Variants in ACYP2 observed in about 807,000 individuals in gnomAD.
ACYP2 encodes acylphosphatase-2.
A neutral mutation model predicts 11.2 loss-of-function variants in ACYP2; 12 were observed. The observed-to-expected ratio is 1.08, with a 90% CI of 0.69 to 1.74. The LOEUF (loss-of-function observed/expected upper bound fraction) is 1.74. Among genes scored for constraint, ACYP2 ranks in the 40% most tolerant of loss-of-function variants. The pLI is 0.00. For missense variants in ACYP2, 134 were observed against 101.9 expected (o/e 1.31, Z -1.35); for synonymous variants, 43 against 32.2 (o/e 1.33, Z -1.13).
intron 3 of ACYP2, among the ~76,000 whole-genome samples, chr2:54,054,458 A>G (rs1047933561): frequency 2.0e-5 from 3 of 152,186 alleles, no homozygotes; most frequent in African/African-American, 7.2e-5. Context: ...CTGCTGACAG[A>G]TTGATCTTGT....
intron 4 of ACYP2, among the ~76,000 whole-genome samples, chr2:54,104,307 G>A (rs950854340): frequency 6.6e-6 from 1 of 152,206 alleles, no homozygotes; most frequent in East Asian, 1.9e-4. Context: ...TAATGACTAA[G>A]TGTTCATAAA....
intron 2 of ACYP2, among the ~76,000 whole-genome samples, chr2:54,019,842 A>G (rs972947984): frequency 1.2e-4 from 18 of 150,626 alleles, no homozygotes; most frequent in African/African-American, 4.2e-4. Context: ...TTGGTCTCGA[A>G]CTCCTGGCCT....
intron 2 of ACYP2, among the ~76,000 whole-genome samples, chr2:54,009,311 C>A (rs146885377): frequency 7.2e-5 from 11 of 152,110 alleles, no homozygotes; most frequent in African/African-American, 2.2e-4. Context: ...GTAATCCCAG[C>A]GCTTTTGGAG....
chr2:53,986,655 C>T (rs575301029), intron 2 of ACYP2, among the ~76,000 whole-genome samples: 3 of 143,102 alleles, frequency 2.1e-5, no homozygotes, highest in South Asian at 4.8e-4. Flanking sequence ...GATGAAGTTT[C>T]ACTCTGTTGC....
intron 6 of ACYP2, among the ~76,000 whole-genome samples, chr2:54,203,803 C>T (rs1416395092): frequency 3.4e-5 from 5 of 147,828 alleles, no homozygotes; most frequent in East Asian, 2.0e-4. Flanking sequence ...CTAATACCCC[C>T]TTTTTTTTTT....
chr2:54,195,794 G>GTTTTTTTTTTTTTTTTTT lies in ACYP2; in HGVS notation c.404+57050_404+57067dup, dbSNP rs1168917459. Among the ~76,000 whole-genome samples, 3 of 83,134 alleles carry GTTTTTTTTTTTTTTTTTT rather than the reference G, an allele frequency of 3.6e-5. 1 individual carries two copies. The highest frequency in any genetic ancestry group is 9.9e-5 in the African/African-American group (2 of 20,110). The allele number at this position is 83,134 out of a possible 152,430, so 54.5% of individuals were successfully genotyped here. A position where few individuals can be genotyped will look rare whatever the true frequency, so the allele number is the denominator to read the frequency against. On this transcript the variant is annotated intron_variant, in intron 6 of 6. Coordinates refer to ENST00000607452, the MANE Select transcript of ACYP2 (RefSeq NM_001320586.2). ...GTACATTGTCATCGTTTTGTTGTGG[G>GTTTTTTTTTTTTTTTTTT]TTTTTTTTTTTTTTTTTTTTTGAGA... is the stretch of plus-strand genomic sequence containing the variant.
At chr2:53,998,362 G>A (rs1672666109) in intron 2 of ACYP2, among the ~76,000 whole-genome samples, 1 of 152,150 alleles carries the variant, frequency 6.6e-6, no homozygotes, top group Non-Finnish European at 1.5e-5. Context: ...GCAACTATAG[G>A]ATCAGGGGAA....
chr2:54,113,741 G>A (rs909455711), intron 4 of ACYP2, among the ~76,000 whole-genome samples: 1 of 152,136 alleles, frequency 6.6e-6, no homozygotes, highest in Non-Finnish European at 1.5e-5. Flanking sequence ...AGATAGAGTA[G>A]ACCCAAGAGA....
At chr2:53,998,456 G>A (rs992426246) in intron 2 of ACYP2, among the ~76,000 whole-genome samples, 17 of 152,200 alleles carry the variant, frequency 1.1e-4, no homozygotes, top group African/African-American at 4.1e-4. Context: ...GGTTGGGAAA[G>A]TGTCTGGGTA....
chr2:54,063,443 G>A (rs1046326273), intron 4 of ACYP2, among the ~76,000 whole-genome samples: 2 of 152,190 alleles, frequency 1.3e-5, no homozygotes, highest in Admixed American at 1.3e-4. Context: ...TGCTCCAGGA[G>A]GCGGCCTCTG....
chr2:54,002,174 C>T (rs987815494), intron 2 of ACYP2, among the ~76,000 whole-genome samples: 3 of 152,194 alleles, frequency 2.0e-5, no homozygotes, highest in Non-Finnish European at 4.4e-5. Flanking sequence ...TTCCTACTCT[C>T]CCTTAACACC....
At chr2:54,056,810 A>G (rs898176247) in intron 3 of ACYP2, among the ~76,000 whole-genome samples, 5 of 152,168 alleles carry the variant, frequency 3.3e-5, no homozygotes, top group Non-Finnish European at 7.4e-5. Context: ...GTTGATTCCT[A>G]TATTAAGAAT....
chr2:54,031,337 C>T (rs1354098476), intron 2 of ACYP2, among the ~76,000 whole-genome samples: 3 of 145,472 alleles, frequency 2.1e-5, no homozygotes, highest in Non-Finnish European at 3.0e-5. Flanking sequence ...CAAGTGTTCT[C>T]ATTGTTCAAT....
At chr2:54,284,090 G>A (rs886174705) in intron 6 of ACYP2, among the ~76,000 whole-genome samples, 10 of 152,162 alleles carry the variant, frequency 6.6e-5, no homozygotes, top group African/African-American at 2.4e-4. Context: ...CAGCCTTAGT[G>A]ACAACTCTCT....
intron 6 of ACYP2, among the ~76,000 whole-genome samples, chr2:54,280,981 A>G (rs1414787804): frequency 1.3e-5 from 2 of 152,236 alleles, no homozygotes; most frequent in Non-Finnish European, 2.9e-5. Context: ...GAAAGGAAAC[A>G]TCACCAAGAA....
chr2:54,014,008 A>G (rs1673543000), intron 2 of ACYP2, among the ~76,000 whole-genome samples: 1 of 152,066 alleles, frequency 6.6e-6, no homozygotes, highest in South Asian at 2.1e-4. Context: ...AAATACAAAC[A>G]TTAGCCGGGA....
At chr2:54,275,460 G>A (rs574018066) in intron 6 of ACYP2, among the ~76,000 whole-genome samples, 1 of 152,308 alleles carries the variant, frequency 6.6e-6, no homozygotes, top group Admixed American at 6.5e-5. Context: ...AATTTTGAAA[G>A]AGGAATAGTC....
At chr2:54,191,338 C>A (rs73935098) in intron 6 of ACYP2, among the ~76,000 whole-genome samples, 1,573 of 152,338 alleles carry the variant, frequency 0.01, 32 homozygotes, top group African/African-American at 0.036. Flanking sequence ...TCCAGCCATG[C>A]TGGCCTCTCC....
chr2:54,069,415 C>A (rs1368751026), intron 4 of ACYP2, among the ~76,000 whole-genome samples: 1 of 152,052 alleles, frequency 6.6e-6, no homozygotes, highest in African/African-American at 2.4e-5. Context: ...GTAATCCCAG[C>A]ACTTTGGGAG....
Sources: allele counts gnomAD v4.1 joint callset (sites outside exome capture counted in the v4.1 genomes callset), GRCh38; gene constraint gnomAD v4.1.1; transcripts MANE v1.5; gene names NCBI Gene and HGNC (gene_info 2026-07-23, HGNC 2026-07-21).